C10orf90: variants seen among roughly 807,000 people sequenced by gnomAD.
C10orf90 encodes the protein chromosome 10 open reading frame 90, also known as (E2-independent) E3 ubiquitin-conjugating enzyme FATS.
Under a neutral mutation model 62.5 loss-of-function variants are expected in C10orf90, and 56 were observed. That is an observed-to-expected ratio of 0.90 (90% CI 0.72 to 1.12). C10orf90 has a LOEUF of 1.12. Among genes scored for constraint, C10orf90 ranks in the 50% most tolerant of loss-of-function variants. The probability of loss-of-function intolerance (pLI) is 0.00; values close to 1 mark genes in which losing one functional copy is unlikely to be tolerated. For synonymous variants in C10orf90, 386 were observed against 340.4 expected (o/e 1.13, Z -1.47); for missense variants, 970 against 880.4 (o/e 1.10, Z -1.29).
intron 2 of C10orf90, among the ~76,000 whole-genome samples, chr10:126,536,684 T>C (rs1864246388): frequency 6.6e-6 from 1 of 152,170 alleles, no homozygotes. Context: ...GAAAGCTGCA[T>C]TTGTGTTTCT....
At chr10:126,617,789 T>TA (rs1461106365) in intron 2 of C10orf90, among the ~76,000 whole-genome samples, 5 of 152,136 alleles carry the variant, frequency 3.3e-5, no homozygotes, top group Admixed American at 2.6e-4. Flanking sequence ...ATCTCTACAG[T>TA]AAAAAAAGCA....
Position 126,464,781 on chromosome 10 carries a change from A to G in C10orf90, c.1740T>C (p.Phe580=), listed in dbSNP as rs1425812219. The G allele has an allele frequency of 2.2e-5, 35 of 1,613,962 alleles. No individual in the cohort carries two copies. The highest frequency in any genetic ancestry group is 2.8e-5 in the Non-Finnish European group (33 of 1,179,982). Residue 580 remains phenylalanine (F), a synonymous_variant, in exon 5 of 10, where the codon TTT becomes TTC. Coordinates refer to ENST00000488181, the MANE Select transcript of C10orf90 (RefSeq NM_001350921.2). ...HQSFLKPRIL[F]PGFLCPLQDV... is the part of the protein sequence containing the mutation. ...CTTGTAAGGGGCAAAGAAACCCAGG[A>G]AAAAGGATTCTGGGTTTCAGGAAGC...
chr10:126,661,419 A>G (rs554437351), intron 1 of C10orf90, among the ~76,000 whole-genome samples: 1 of 152,328 alleles, frequency 6.6e-6, no homozygotes, highest in East Asian at 1.9e-4. Flanking sequence ...AGAGAACAAG[A>G]AAATTGCCAA....
At chr10:126,585,696 A>G (rs999054781) in intron 2 of C10orf90, among the ~76,000 whole-genome samples, 1 of 152,192 alleles carries the variant, frequency 6.6e-6, no homozygotes, top group Non-Finnish European at 1.5e-5. Flanking sequence ...TCCACTGGAC[A>G]AAGGAAAGGA....
At chr10:126,548,281 G>C (rs1265543386) in intron 2 of C10orf90, among the ~76,000 whole-genome samples, 1 of 152,202 alleles carries the variant, frequency 6.6e-6, no homozygotes, top group Non-Finnish European at 1.5e-5. Context: ...AGTGGCTCGT[G>C]CCTGTAATCC....
intron 1 of C10orf90, among the ~76,000 whole-genome samples, chr10:126,667,732 GC>G (rs1427736873): frequency 2.6e-5 from 4 of 152,184 alleles, no homozygotes; most frequent in Non-Finnish European, 4.4e-5. Context: ...TGCTTGCCAT[GC>G]GGACAGAAGG....
At chr10:126,630,974 C>T (rs751272720) in intron 2 of C10orf90, among the ~76,000 whole-genome samples, 6 of 152,266 alleles carry the variant, frequency 3.9e-5, no homozygotes, top group African/African-American at 1.2e-4. Flanking sequence ...AGGGAGATTC[C>T]GCGTGGAGCA....
chr10:126,499,772 T>C (rs974188032), intron 4 of C10orf90, among the ~76,000 whole-genome samples: 4 of 152,150 alleles, frequency 2.6e-5, no homozygotes, highest in African/African-American at 9.7e-5. Context: ...AGTTGCAACA[T>C]GGGCCCACCA....
At chr10:126,627,160 C>T (rs1206967256) in intron 2 of C10orf90, among the ~76,000 whole-genome samples, 2 of 151,706 alleles carry the variant, frequency 1.3e-5, no homozygotes, top group Admixed American at 6.6e-5. Context: ...CCACCACGCC[C>T]GGCTAATTTT....
intron 4 of C10orf90, among the ~76,000 whole-genome samples, chr10:126,482,578 T>C (rs1861223450): frequency 1.3e-5 from 2 of 152,200 alleles, no homozygotes; most frequent in South Asian, 4.2e-4. Flanking sequence ...ATGGAGAAGC[T>C]GAGAGCTCAA....
At chr10:126,568,527 G>A (rs1484355909) in intron 2 of C10orf90, among the ~76,000 whole-genome samples, 1 of 152,150 alleles carries the variant, frequency 6.6e-6, no homozygotes, top group Admixed American at 6.5e-5. Context: ...GGGCTCACTG[G>A]TTTAGTCAGA....
At chr10:126,518,205 C>A (rs923764167) in intron 2 of C10orf90, among the ~76,000 whole-genome samples, 5 of 152,146 alleles carry the variant, frequency 3.3e-5, no homozygotes, top group African/African-American at 1.2e-4. Flanking sequence ...GCCCCCAGAC[C>A]AGCAGCATCC....
At position 126,459,202 on chromosome 10, in the gene C10orf90, G is replaced by A. The variant is rs777823961; in HGVS notation, c.2026C>T (p.Arg676Cys). The A allele has an allele frequency of 3.8e-5, 61 of 1,613,798 alleles. No homozygotes were observed. The highest frequency in any genetic ancestry group is 4.1e-5 in the Non-Finnish European group (48 of 1,180,038). Reference protein sequence around the residue: ...SLTLQEALEVRKPQFISRSQE... With the variant: ...SLTLQEALEVCKPQFISRSQE... ...GAGCGAGAAATGAACTGAGGCTTAC[G>A]AACTTCCAGTGCTTCCTATGCAAAG... Residue 676 changes from arginine to cysteine, a missense_variant, in exon 7 of 10, where the codon CGT becomes TGT. Transcript: ENST00000488181.
At chr10:126,519,450 G>A (rs1277488632) in intron 2 of C10orf90, among the ~76,000 whole-genome samples, 10 of 152,134 alleles carry the variant, frequency 6.6e-5, no homozygotes, top group Non-Finnish European at 5.9e-5. Flanking sequence ...ATGCCCAGAG[G>A]CCTTCAGTCT....
At chr10:126,503,035 C>A (rs533681640) in intron 4 of C10orf90, among the ~76,000 whole-genome samples, 3 of 151,894 alleles carry the variant, frequency 2.0e-5, no homozygotes, top group Non-Finnish European at 4.4e-5. Context: ...AAAGTTGTAC[C>A]GTAAAATTAT....
chr10:126,511,559 A>G (rs1863109665), intron 3 of C10orf90, among the ~76,000 whole-genome samples: 1 of 151,708 alleles, frequency 6.6e-6, no homozygotes, highest in South Asian at 2.1e-4. Flanking sequence ...AACCACCAAG[A>G]ATCGCTGTTT....
chr10:126,624,369 T>A (rs2842155), intron 2 of C10orf90, among the ~76,000 whole-genome samples: 4,913 of 152,174 alleles, frequency 0.032, 128 homozygotes, highest in South Asian at 0.073. Flanking sequence ...GAGAGACTCC[T>A]ACTGAGGTTT....
chr10:126,521,627 T>G (rs1863749227), intron 2 of C10orf90, among the ~76,000 whole-genome samples: 1 of 152,216 alleles, frequency 6.6e-6, no homozygotes, highest in Non-Finnish European at 1.5e-5. Context: ...GTAAAACAAG[T>G]TTGCATGAGA....
At chr10:126,592,804 G>A (rs1845007487) in intron 2 of C10orf90, among the ~76,000 whole-genome samples, 1 of 152,060 alleles carries the variant, frequency 6.6e-6, no homozygotes. Flanking sequence ...TCTGACAAAG[G>A]TCTAATATCC....
Sources: allele counts gnomAD v4.1 joint callset (sites outside exome capture counted in the v4.1 genomes callset), GRCh38; gene constraint gnomAD v4.1.1; transcripts MANE v1.5; gene names NCBI Gene and HGNC (gene_info 2026-07-23, HGNC 2026-07-21).